The following CAMK2N1 variants were observed in gnomAD, a reference collection of about 807,000 sequenced individuals.
CAMK2N1 encodes calcium/calmodulin dependent protein kinase II inhibitor 1.
CAMK2N1 carries 2 observed loss-of-function variants against 6.4 expected under a neutral mutation model. The observed-to-expected ratio is 0.31, with a 90% CI of 0.13 to 0.98. The LOEUF (loss-of-function observed/expected upper bound fraction) is 0.98, where lower values mean the gene tolerates loss of function less well. Ranked by LOEUF, CAMK2N1 falls within the 50% of genes least tolerant of loss-of-function variation. The pLI is 0.51. For missense variants in CAMK2N1, 77 were observed against 107.3 expected, an observed-to-expected ratio of 0.72 and a Z score of 1.25; for synonymous variants, 42 against 47.5, an observed-to-expected ratio of 0.88 and a Z score of 0.47.
In CAMK2N1 at chr1:20,485,271, C is replaced by T; in HGVS notation, c.109G>A (p.Gly37Ser). Residue 37 changes from glycine (G) to serine (S), a missense_variant, in exon 1 of 2, where the codon GGC (glycine) becomes AGC (serine). By Grantham distance (56) the Gly-to-Ser change is moderately conservative. Transcript: ENST00000375078. The surrounding 1 kb of genome is among the most constrained non-coding windows in gnomAD (Gnocchi z 8.4). ...GGCGGCCGCTTGTTCTGCCCGGCGC[C>T]GAAGAAGTTGTTGGTGTCCTGCAGG... is the stretch of plus-strand genomic sequence containing the variant. ...CRLQDTNNFFGAGQNKRPPKL... is the reference protein window; with the variant it reads ...CRLQDTNNFFSAGQNKRPPKL... The T allele has an allele frequency of 6.3e-7, 1 of 1,598,378 alleles. No homozygotes were observed. The highest frequency in any genetic ancestry group is 8.5e-7 in the Non-Finnish European group (1 of 1,175,136).
intron 1 of CAMK2N1, 45 bp from the exon 2 acceptor site, chr1:20,483,764 AGCCAGAGGTCTCTG>A: frequency 1.3e-6 from 2 of 1,548,108 alleles, no homozygotes; most frequent in South Asian, 2.2e-5. Context: ...GCTGGGGCCT[AGCCAGAGGTCTCTG>A]ACATTTCCCG....
Position 20,485,483 on chromosome 1 carries a change from G to T in CAMK2N1, c.-104C>A. 1.2e-6 allele frequency: 1 copy of T among 819,146 alleles called. No homozygotes were observed. Among genetic ancestry groups the T allele is most frequent in the Non-Finnish European group, 1.5e-6 (1 of 678,534 alleles). The allele number at this position is 819,146 out of a possible 1,614,324, so 50.7% of individuals were successfully genotyped here. A position where few individuals can be genotyped will look rare whatever the true frequency, so the allele number is the denominator to read the frequency against. ...GGCCGGGGGCGGCCGGCCGGGGACGGCCCGCGGGCTGCTGCGGCGGTGGCG... is the reference window on the plus strand; with the variant it reads ...GGCCGGGGGCGGCCGGCCGGGGACGTCCCGCGGGCTGCTGCGGCGGTGGCG... On this transcript the variant is annotated 5_prime_UTR_variant, in exon 1 of 2. Transcript: ENST00000375078. The surrounding 1 kb of genome is among the most constrained non-coding windows in gnomAD (Gnocchi z 8.4).
rs1328745805 is a variant in CAMK2N1, at chr1:20,484,812, AG to A, written c.166+401del. On this transcript the variant is annotated intron_variant, in intron 1 of 1. Transcript: ENST00000375078. This position sits in a 1 kb window ranked among gnomAD's most constrained non-coding sequence, Gnocchi z 6.8. Reference sequence around the variant, plus strand: ...ACCCGAACACCCTAGCCTTCCCCGCAGGAATGGGATCCTCCCCACGCAGGTC... The same window carrying A: ...ACCCGAACACCCTAGCCTTCCCCGCAGAATGGGATCCTCCCCACGCAGGTC... Among the ~76,000 whole-genome samples, 1 of 152,078 alleles carries A rather than the reference AG, an allele frequency of 6.6e-6. No homozygotes were observed. Among genetic ancestry groups the A allele is most frequent in the Non-Finnish European group, 1.5e-5 (1 of 67,994 alleles).
In CAMK2N1 at chr1:20,485,479, GA is replaced by G. The variant is rs2051503815; in HGVS notation, c.-101del. Reference sequence around the variant, plus strand: ...CTGGGGCCGGGGGCGGCCGGCCGGGGACGGCCCGCGGGCTGCTGCGGCGGTG... The same window carrying G: ...CTGGGGCCGGGGGCGGCCGGCCGGGGCGGCCCGCGGGCTGCTGCGGCGGTG... On this transcript the variant is annotated 5_prime_UTR_variant, in exon 1 of 2. Coordinates refer to ENST00000375078, the MANE Select transcript of CAMK2N1 (RefSeq NM_018584.6). The surrounding 1 kb of genome is among the most constrained non-coding windows in gnomAD (Gnocchi z 8.4). The G allele has an allele frequency of 1.2e-6, 1 of 854,806 alleles. No homozygotes were observed. Among genetic ancestry groups the G allele is most frequent in the African/African-American group, 1.8e-5 (1 of 54,218 alleles). The allele number at this position is 854,806 out of a possible 1,614,324, so 53.0% of individuals were successfully genotyped here.
Position 20,483,732 on chromosome 1 carries a change from G to GGGGGAAA in CAMK2N1, c.167-20_167-14dup. On this transcript the variant is annotated splice_polypyrimidine_tract_variant and intron_variant, in intron 1 of 1. Coordinates refer to ENST00000375078, the MANE Select transcript of CAMK2N1 (RefSeq NM_018584.6). ...TCTTCAATAACAACTGCAAAAAAAG[G>GGGGGAAA]GGGGAAAAGAGAGGTGAGCGCGCTG... 6.2e-7 allele frequency: 1 copy of GGGGGAAA among 1,613,706 alleles called. No homozygotes were observed. Among genetic ancestry groups the GGGGGAAA allele is most frequent in the Non-Finnish European group, 8.5e-7 (1 of 1,179,664 alleles).
rs938197725 is a variant in CAMK2N1 at position 20,484,858 on chromosome 1, G to T, written c.166+356C>A. ...CAGGTCCCCACGCCGTCCCCTGGGG[G>T]TCCCTGGGACCCCCTCCCCACAGGG... On this transcript the variant is annotated intron_variant, in intron 1 of 1. Coordinates refer to ENST00000375078, the MANE Select transcript of CAMK2N1 (RefSeq NM_018584.6). This position sits in a 1 kb window ranked among gnomAD's most constrained non-coding sequence, Gnocchi z 6.8. 6.6e-6 allele frequency among the ~76,000 whole-genome samples: 1 copy of T among 152,044 alleles called. No individual in the cohort carries two copies. The highest frequency in any genetic ancestry group is 2.4e-5 in the African/African-American group (1 of 41,402).
In CAMK2N1 at chr1:20,483,517, T is replaced by C. The variant is rs2051485337; in HGVS notation, c.*132A>G. On this transcript the variant is annotated 3_prime_UTR_variant, in exon 2 of 2. Coordinates refer to ENST00000375078, the MANE Select transcript of CAMK2N1 (RefSeq NM_018584.6). ...ATCTGTCTCCCGGCCTGATACCAGA[T>C]ACAGGTTGTTGATTTCATCGTGGGT... The C allele has an allele frequency of 1.3e-6, 1 of 773,418 alleles. No homozygotes were observed. The highest frequency in any genetic ancestry group is 2.3e-6 in the Non-Finnish European group (1 of 443,490). 47.9% of individuals were successfully genotyped at this position (773,418 alleles called of 1,614,324 possible). A position where few individuals can be genotyped will look rare whatever the true frequency, so the allele number is the denominator to read the frequency against.
In CAMK2N1 at chr1:20,485,170, G is replaced by A; in HGVS notation, c.166+44C>T. On this transcript the variant is annotated intron_variant, in intron 1 of 1. Transcript: ENST00000375078. This position sits in a 1 kb window ranked among gnomAD's most constrained non-coding sequence, Gnocchi z 8.4. ...CTCCGCAACCCTTGTTCAGGCCGCG[G>A]CGCGGGAAAAAGGGGGTGTCAGACA... The A allele has an allele frequency of 6.4e-7, 1 of 1,556,164 alleles. No homozygotes were observed. The highest frequency in any genetic ancestry group is 8.7e-7 in the Non-Finnish European group (1 of 1,154,684).
rs1285444685 is a variant in CAMK2N1 at position 20,485,167 on chromosome 1, G to A, written c.166+47C>T. ...GACCTCCGCAACCCTTGTTCAGGCCGCGGCGCGGGAAAAAGGGGGTGTCAG... is the reference window on the plus strand; with the variant it reads ...GACCTCCGCAACCCTTGTTCAGGCCACGGCGCGGGAAAAAGGGGGTGTCAG... On this transcript the variant is annotated intron_variant, in intron 1 of 1. Coordinates refer to ENST00000375078, the MANE Select transcript of CAMK2N1 (RefSeq NM_018584.6). This position sits in a 1 kb window ranked among gnomAD's most constrained non-coding sequence, Gnocchi z 8.4. 3.9e-6 allele frequency: 6 copies of A among 1,550,710 alleles called. No individual in the cohort carries two copies. The highest frequency in any genetic ancestry group is 3.8e-5 in the Admixed American group (2 of 52,906).
Position 20,483,733 on chromosome 1 carries a change from G to C in CAMK2N1, c.167-14C>G. On this transcript the variant is annotated splice_polypyrimidine_tract_variant and intron_variant, in intron 1 of 1. Transcript: ENST00000375078. ...CTTCAATAACAACTGCAAAAAAAGG[G>C]GGGAAAAGAGAGGTGAGCGCGCTGG... 1 of 1,613,492 alleles carries C rather than the reference G, an allele frequency of 6.2e-7. No homozygotes were observed.
intron 1 of CAMK2N1, 93 bp from the exon 2 acceptor site, chr1:20,483,812 G>A: frequency 1.8e-6 from 2 of 1,137,798 alleles, no homozygotes; most frequent in Non-Finnish European, 2.7e-6. Context: ...GGGAGGTCGG[G>A]AGAGGAGAGG....
chr1:20,482,991 CT>C lies in CAMK2N1; in HGVS notation c.*657del, dbSNP rs1442131622. ...TTTACAACTCATTTTAAAATAAAAT[CT>C]TTTCTATGTATCATTCCTTAGAAAA... On this transcript the variant is annotated 3_prime_UTR_variant, in exon 2 of 2. Coordinates refer to ENST00000375078, the MANE Select transcript of CAMK2N1 (RefSeq NM_018584.6). The C allele has an allele frequency of 2.6e-5, 4 of 151,864 alleles. No homozygotes were observed. The highest frequency in any genetic ancestry group is 3.9e-4 in the East Asian group (2 of 5,192). 9.4% of individuals were successfully genotyped at this position (151,864 alleles called of 1,614,324 possible).
rs1310885064 is a variant in CAMK2N1, at chr1:20,485,801, G to A, written c.-422C>T. 2.0e-5 allele frequency: 3 copies of A among 152,686 alleles called. No homozygotes were observed. The highest frequency in any genetic ancestry group is 1.8e-4 in the South Asian group (1 of 5,650). 9.5% of individuals were successfully genotyped at this position (152,686 alleles called of 1,614,324 possible). On this transcript the variant is annotated 5_prime_UTR_variant, in exon 1 of 2. Transcript: ENST00000375078. The surrounding 1 kb of genome is among the most constrained non-coding windows in gnomAD (Gnocchi z 8.4). ...CGGGCCGGTCCTGCGGCGAGTGCGG[G>A]CGGCGGCGCCGGTTCGGGGAGGCAG...
Position 20,485,522 on chromosome 1 carries a change from G to A in CAMK2N1, c.-143C>T, listed in dbSNP as rs1417017596. On this transcript the variant is annotated 5_prime_UTR_variant, in exon 1 of 2. Coordinates refer to ENST00000375078, the MANE Select transcript of CAMK2N1 (RefSeq NM_018584.6). This position sits in a 1 kb window ranked among gnomAD's most constrained non-coding sequence, Gnocchi z 8.4. ...GCGGCGGTGGCGCCGGCGAGAGGCC[G>A]GGGGACGCCGCTAGGGCAAGAGCGC... The A allele has an allele frequency of 4.5e-6, 2 of 442,148 alleles. No homozygotes were observed. The highest frequency in any genetic ancestry group is 9.1e-5 in the South Asian group (1 of 11,034). The allele number at this position is 442,148 out of a possible 1,614,324, so 27.4% of individuals were successfully genotyped here. A position where few individuals can be genotyped will look rare whatever the true frequency, so the allele number is the denominator to read the frequency against.
rs2051478073 is a variant in CAMK2N1 at position 20,482,774 on chromosome 1, A to G, written c.*875T>C. 1 of 152,252 alleles carries G rather than the reference A, an allele frequency of 6.6e-6. No individual in the cohort carries two copies. The highest frequency in any genetic ancestry group is 1.5e-5 in the Non-Finnish European group (1 of 68,038). The allele number at this position is 152,252 out of a possible 1,614,324, so 9.4% of individuals were successfully genotyped here. A position where few individuals can be genotyped will look rare whatever the true frequency, so the allele number is the denominator to read the frequency against. ...ATTAAAGAGAATAAACTGACATAAT[A>G]TTAGAGAAATAAACAGGCTGCTCAC... is the stretch of plus-strand genomic sequence containing the variant. On this transcript the variant is annotated 3_prime_UTR_variant, in exon 2 of 2. Coordinates refer to ENST00000375078, the MANE Select transcript of CAMK2N1 (RefSeq NM_018584.6).
chr1:20,485,268 C>A lies in CAMK2N1; in HGVS notation c.112G>T (p.Ala38Ser). Residue 38 changes from alanine (A) to serine (S), a missense_variant, in exon 1 of 2, where the codon GCC becomes TCC. By Grantham distance (99) the Ala-to-Ser change is moderately conservative (BLOSUM62 1). Transcript: ENST00000375078. The surrounding 1 kb of genome is among the most constrained non-coding windows in gnomAD (Gnocchi z 8.4). The stretch of plus-strand genomic sequence containing the variant: ...TTGGGCGGCCGCTTGTTCTGCCCGG[C>A]GCCGAAGAAGTTGTTGGTGTCCTGC... ...RLQDTNNFFG[A>S]GQNKRPPKLG... 1 of 1,597,802 alleles carries A rather than the reference C, an allele frequency of 6.3e-7. No homozygotes were observed. Among genetic ancestry groups the A allele is most frequent in the Non-Finnish European group, 8.5e-7 (1 of 1,174,900 alleles).
In CAMK2N1 at chr1:20,484,158, C is replaced by T. The variant is rs1245957510; in HGVS notation, c.167-439G>A. Among the ~76,000 whole-genome samples the T allele has an allele frequency of 1.3e-5, 2 of 152,174 alleles. No homozygotes were observed. The highest frequency in any genetic ancestry group is 2.1e-4 in the South Asian group (1 of 4,832). ...GGGCAAGGCTAGGTGCGGAGATGAG[C>T]GGAACCAGGAGGGGACGCCAAAACC... On this transcript the variant is annotated intron_variant, in intron 1 of 1. Coordinates refer to ENST00000375078, the MANE Select transcript of CAMK2N1 (RefSeq NM_018584.6). This position sits in a 1 kb window ranked among gnomAD's most constrained non-coding sequence, Gnocchi z 6.8.
chr1:20,485,194 C>G lies in CAMK2N1; in HGVS notation c.166+20G>C. Reference sequence around the variant, plus strand: ...GGCGCGGGAAAAAGGGGGTGTCAGACAAGGGGGCCGCGAACTCACCCCGCT... The same window carrying G: ...GGCGCGGGAAAAAGGGGGTGTCAGAGAAGGGGGCCGCGAACTCACCCCGCT... On this transcript the variant is annotated intron_variant, in intron 1 of 1. Transcript: ENST00000375078. This position sits in a 1 kb window ranked among gnomAD's most constrained non-coding sequence, Gnocchi z 8.4. 6.3e-7 allele frequency: 1 copy of G among 1,581,640 alleles called. No homozygotes were observed. The highest frequency in any genetic ancestry group is 8.6e-7 in the Non-Finnish European group (1 of 1,167,644).
chr1:20,483,976 C>G (rs752767538), intron 1 of CAMK2N1, among the ~76,000 whole-genome samples: 1 of 152,248 alleles, frequency 6.6e-6, no homozygotes, highest in Non-Finnish European at 1.5e-5. Flanking sequence ...AGGGCGCCAA[C>G]CCAGCCGCTC....
Sources: gnomAD v4.1 joint callset for allele counts (sites outside exome capture counted in the v4.1 genomes callset) on GRCh38, gnomAD v4.1.1 for gene constraint, Gnocchi (gnomAD v3.1) non-coding constraint, MANE v1.5 for transcripts, NCBI Gene and HGNC (gene_info 2026-07-23, HGNC 2026-07-21) for gene names.